Variants in KCNH8 observed in about 807,000 individuals in gnomAD.
KCNH8 encodes potassium voltage-gated channel subfamily H member 8.
In KCNH8, 70 loss-of-function variants were observed where a neutral mutation model predicts 103.6. The ratio of observed to expected loss-of-function variants is 0.68; its 90% CI spans 0.56 to 0.82. The LOEUF (loss-of-function observed/expected upper bound fraction) is 0.82, where lower values mean the gene tolerates loss of function less well. Among genes scored for constraint, KCNH8 ranks in the 40% least tolerant of loss-of-function variants. The probability of loss-of-function intolerance (pLI) is 0.00; values close to 1 mark genes in which losing one functional copy is unlikely to be tolerated. For missense variants in KCNH8, 1,217 were observed against 1,329.9 expected, an observed-to-expected ratio of 0.92 and a Z score of 1.32; for synonymous variants, 498 against 489.4, an observed-to-expected ratio of 1.02 and a Z score of -0.23.
chr3:19,420,748 A>T (rs745736766), intron 7 of KCNH8, among the ~76,000 whole-genome samples: 1 of 152,224 alleles, frequency 6.6e-6, no homozygotes, highest in Non-Finnish European at 1.5e-5. Flanking sequence ...TGGGCATAGT[A>T]ATACAAATAT....
At chr3:19,192,811 C>A (rs543758564) in intron 1 of KCNH8, among the ~76,000 whole-genome samples, 2 of 151,306 alleles carry the variant, frequency 1.3e-5, no homozygotes, top group African/African-American at 4.8e-5. Context: ...AAATTTGATC[C>A]CATTATATTT....
At chr3:19,467,223 T>C (rs1340281107) in intron 11 of KCNH8, among the ~76,000 whole-genome samples, 1 of 151,796 alleles carries the variant, frequency 6.6e-6, no homozygotes, top group African/African-American at 2.4e-5. Flanking sequence ...AAAATTCCAA[T>C]TAAAAATATA....
intron 11 of KCNH8, among the ~76,000 whole-genome samples, chr3:19,481,088 A>G (rs2068077453): frequency 6.6e-6 from 1 of 152,178 alleles, no homozygotes; most frequent in African/African-American, 2.4e-5. Flanking sequence ...TTCCATCCTA[A>G]TAGATGGAAG....
At chr3:19,171,293 T>C (rs1191171247) in intron 1 of KCNH8, among the ~76,000 whole-genome samples, 2 of 152,230 alleles carry the variant, frequency 1.3e-5, no homozygotes, top group Non-Finnish European at 2.9e-5. Context: ...TCAATTTTTC[T>C]ACTTTCTGAA....
chr3:19,510,098 T>C (rs967287675), intron 11 of KCNH8, among the ~76,000 whole-genome samples: 4 of 152,086 alleles, frequency 2.6e-5, no homozygotes, highest in Non-Finnish European at 4.4e-5. Context: ...TATCCTGTGG[T>C]AGACATTCAA....
intron 3 of KCNH8, among the ~76,000 whole-genome samples, chr3:19,338,314 C>T (rs951880242): frequency 1.3e-5 from 2 of 151,972 alleles, no homozygotes; most frequent in African/African-American, 4.8e-5. Context: ...CTTGTCTTTG[C>T]TCCTCGACCC....
chr3:19,532,682 C>T (rs1432087634), intron 15 of KCNH8, among the ~76,000 whole-genome samples: 1 of 152,204 alleles, frequency 6.6e-6, no homozygotes. Flanking sequence ...GCATCCCATT[C>T]ATCCAGGGGA....
intron 5 of KCNH8, among the ~76,000 whole-genome samples, chr3:19,384,116 G>A (rs2125126683): frequency 6.6e-6 from 1 of 152,234 alleles, no homozygotes; most frequent in East Asian, 1.9e-4. Flanking sequence ...CAATGCACAA[G>A]ACCAATATAA....
chr3:19,533,984 G>C lies in KCNH8; in HGVS notation c.3209G>C (p.Gly1070Ala). Residue 1070 changes from glycine to alanine, a missense_variant, in exon 16 of 16, where the codon GGA becomes GCA. Transcript: ENST00000328405. ...TCCTTCAGTCTGGAAAACTTACCAG[G>C]ATCTTGGAACCAGGAAGGAATGGCA... ...VSSFSLENLP[G>A]SWNQEGMASA... The C allele has an allele frequency of 6.2e-7, 1 of 1,614,146 alleles. No individual in the cohort carries two copies. Among genetic ancestry groups the C allele is most frequent in the Non-Finnish European group, 8.5e-7 (1 of 1,180,036 alleles).
chr3:19,212,849 G>T (rs1356575240), intron 1 of KCNH8, among the ~76,000 whole-genome samples: 1 of 152,106 alleles, frequency 6.6e-6, no homozygotes, highest in African/African-American at 2.4e-5. Flanking sequence ...TAACATCTGG[G>T]TTAAGTAGCA....
At chr3:19,518,137 G>A (rs115973926) in intron 15 of KCNH8, 63 bp downstream of exon 15, 33 of 1,308,614 alleles carry the variant, frequency 2.5e-5, no homozygotes, top group East Asian at 4.6e-5. Flanking sequence ...CTAGTTACTC[G>A]CAGAAGCAGT....
At chr3:19,269,329 T>C (rs2125264994) in intron 2 of KCNH8, among the ~76,000 whole-genome samples, 1 of 152,184 alleles carries the variant, frequency 6.6e-6, no homozygotes, top group East Asian at 1.9e-4. Flanking sequence ...CAAATTATCT[T>C]TTGAAACATC....
intron 8 of KCNH8, among the ~76,000 whole-genome samples, chr3:19,442,562 G>A (rs532192234): frequency 3.6e-4 from 55 of 152,222 alleles, no homozygotes; most frequent in African/African-American, 1.2e-3. Context: ...ATGTCACTTT[G>A]TTTCTTGTTT....
At chr3:19,303,073 G>T (rs1223710842) in intron 3 of KCNH8, among the ~76,000 whole-genome samples, 4 of 152,146 alleles carry the variant, frequency 2.6e-5, no homozygotes, top group African/African-American at 9.6e-5. Flanking sequence ...CTTCCTCAAG[G>T]ATATATCAAA....
intron 3 of KCNH8, among the ~76,000 whole-genome samples, chr3:19,312,305 G>T (rs2125297827): frequency 6.6e-6 from 1 of 151,764 alleles, no homozygotes; most frequent in South Asian, 2.1e-4. Context: ...CTTCATTTCA[G>T]AACATGAGGA....
chr3:19,313,432 A>T (rs1236612218), intron 3 of KCNH8, among the ~76,000 whole-genome samples: 1 of 151,948 alleles, frequency 6.6e-6, no homozygotes, highest in Non-Finnish European at 1.5e-5. Context: ...TTGGAATATA[A>T]CATTTCTAAG....
At chr3:19,308,694 CTCTCTCT>C (rs2065164215) in intron 3 of KCNH8, among the ~76,000 whole-genome samples, 5 of 72,768 alleles carry the variant, frequency 6.9e-5, no homozygotes, top group African/African-American at 3.6e-4. Context: ...CTCTCTCTCT[CTCTCTCT>C]CTCTCTCTCT....
chr3:19,160,964 G>A (rs73048531), intron 1 of KCNH8, among the ~76,000 whole-genome samples: 3,502 of 152,184 alleles, frequency 0.023, 54 homozygotes, highest in Non-Finnish European at 0.039. Context: ...GTCAGAAAGT[G>A]CTTCCTTTAA....
At chr3:19,332,773 C>T (rs966505549) in intron 3 of KCNH8, among the ~76,000 whole-genome samples, 3 of 152,046 alleles carry the variant, frequency 2.0e-5, no homozygotes, top group African/African-American at 7.2e-5. Context: ...GCTGGGATTA[C>T]AGGTGCACGC....
Sources: gnomAD v4.1 joint callset for allele counts (sites outside exome capture counted in the v4.1 genomes callset) on GRCh38, gnomAD v4.1.1 for gene constraint, MANE v1.5 for transcripts, NCBI Gene and HGNC (gene_info 2026-07-23, HGNC 2026-07-21) for gene names.